The following TMEM114 variants were observed in gnomAD, a reference collection of about 807,000 sequenced individuals.
TMEM114 encodes transmembrane protein 114, also known as claudin-26.
In TMEM114, 6 loss-of-function variants were observed where a neutral mutation model predicts 6.2. The observed-to-expected ratio is 0.97, with a 90% CI of 0.53 to 1.91. The LOEUF is 1.91. TMEM114 is among the 40% of genes most tolerant of loss of function. The probability of loss-of-function intolerance (pLI) is 0.01; values close to 1 mark genes in which losing one functional copy is unlikely to be tolerated. For missense variants in TMEM114, 218 were observed against 158.3 expected (o/e 1.38, Z -2.02); for synonymous variants, 104 against 73.0 (o/e 1.42, Z -2.16).
At chr16:8,532,561 A>G in the TMEM114 span, among the ~76,000 whole-genome samples, 2 of 152,206 alleles carry the variant, frequency 1.3e-5, no homozygotes, top group Non-Finnish European at 2.9e-5. Flanking sequence ...ATTAAAGAGA[A>G]CGACGTGTCT....
At chr16:8,540,933 C>T (rs955697192) in intron 2 of TMEM114, among the ~76,000 whole-genome samples, 2 of 152,150 alleles carry the variant, frequency 1.3e-5, no homozygotes, top group African/African-American at 4.8e-5. Context: ...GGTTAAAAGA[C>T]TAAGCAGCAG....
intron 2 of TMEM114, among the ~76,000 whole-genome samples, chr16:8,564,102 T>C (rs1168290456): frequency 6.6e-6 from 1 of 150,980 alleles, no homozygotes; most frequent in Non-Finnish European, 1.5e-5. Context: ...AGTGAATGAG[T>C]GAGGAAATAA....
intron 2 of TMEM114, among the ~76,000 whole-genome samples, chr16:8,563,938 CGAGT>C (rs1317455298): frequency 1.8e-4 from 17 of 92,012 alleles, no homozygotes; most frequent in African/African-American, 7.2e-4. Flanking sequence ...AGTGAGTGAA[CGAGT>C]AAGTAAATGA....
the TMEM114 span, among the ~76,000 whole-genome samples, chr16:8,527,619 C>T: frequency 1.3e-5 from 2 of 152,124 alleles, no homozygotes; most frequent in South Asian, 4.1e-4. Flanking sequence ...GTACTAAGCC[C>T]CTTTCTTGTT....
chr16:8,583,367 C>T (rs557428258), intron 2 of TMEM114, among the ~76,000 whole-genome samples: 3 of 152,292 alleles, frequency 2.0e-5, no homozygotes, highest in African/African-American at 7.2e-5. Context: ...CTACTGTGCA[C>T]AGAGTCCAGG....
downstream of TMEM114, among the ~76,000 whole-genome samples, chr16:8,567,625 C>A (rs890184213): frequency 1.3e-5 from 2 of 152,178 alleles, no homozygotes; most frequent in East Asian, 3.9e-4. Flanking sequence ...ACTCCCCACA[C>A]GCACTAAGAA....
At position 8,589,791 on chromosome 16, in the gene TMEM114, C is replaced by G; in HGVS notation, c.48G>C (p.Gly16=). 1 of 398,502 alleles carries G rather than the reference C, an allele frequency of 2.5e-6. No individual in the cohort carries two copies. 24.7% of individuals were successfully genotyped at this position (398,502 alleles called of 1,614,324 possible). The part of the protein sequence containing the change: ...GGLAGAAALT[G]ALSFVLLAAA... ...CCGCCAGGAGCACAAAGCTGAGCGC[C>G]CCGGTCAGCGCAGCCGCGCCGGCCA... Residue 16 remains glycine, a synonymous_variant, in exon 1 of 4, where the codon GGG becomes GGC. Coordinates refer to ENST00000620492, the MANE Select transcript of TMEM114 (RefSeq NM_001146336.2).
intron 2 of TMEM114, among the ~76,000 whole-genome samples, chr16:8,575,911 C>G (rs1431198356): frequency 6.6e-6 from 1 of 152,178 alleles, no homozygotes; most frequent in Non-Finnish European, 1.5e-5. Context: ...GCCGGGAGAC[C>G]TGATTCCCAT....
chr16:8,583,991 G>C (rs1382417754), intron 2 of TMEM114, among the ~76,000 whole-genome samples: 5 of 152,210 alleles, frequency 3.3e-5, no homozygotes, highest in African/African-American at 1.2e-4. Flanking sequence ...TGGCTGGAGG[G>C]ATTGGCTCAG....
downstream of TMEM114, among the ~76,000 whole-genome samples, chr16:8,536,395 A>T (rs1368015007): frequency 6.6e-6 from 1 of 152,092 alleles, no homozygotes; most frequent in Admixed American, 6.6e-5. Flanking sequence ...CTTCTTCGGG[A>T]ACTTTGAGGG....
intron 2 of TMEM114, among the ~76,000 whole-genome samples, chr16:8,545,874 G>A (rs1900650884): frequency 6.6e-6 from 1 of 152,142 alleles, no homozygotes; most frequent in Admixed American, 6.5e-5. Context: ...CAGCACTTTG[G>A]GAGGTTGAGG....
downstream of TMEM114, among the ~76,000 whole-genome samples, chr16:8,564,673 ATGAGTGAATGAGTGAGTGAATGAGTGAG>A (rs1901461263): frequency 7.2e-5 from 6 of 83,550 alleles, no homozygotes; most frequent in African/African-American, 2.3e-4. Context: ...GAGGGAGGGA[ATGAGTGAATGAGTGAGTGAATGAGTGAG>A]TGAGTGAATG....
downstream of TMEM114, among the ~76,000 whole-genome samples, chr16:8,568,346 G>A (rs781543483): frequency 1.8e-4 from 27 of 151,754 alleles, no homozygotes; most frequent in African/African-American, 5.1e-4. Context: ...ACCGACTGGC[G>A]TGGAGAATAG....
At chr16:8,549,605 C>T (rs1319430176) in intron 2 of TMEM114, among the ~76,000 whole-genome samples, 2 of 151,694 alleles carry the variant, frequency 1.3e-5, no homozygotes, top group Non-Finnish European at 2.9e-5. Context: ...ACCTTTTATT[C>T]CAAGATATCA....
chr16:8,561,410 G>A (rs923589486), intron 2 of TMEM114, among the ~76,000 whole-genome samples: 32 of 152,140 alleles, frequency 2.1e-4, no homozygotes, highest in African/African-American at 5.3e-4. Flanking sequence ...AGCATACCCC[G>A]CATTCCACCA....
chr16:8,534,048 C>G (rs1208772207), downstream of TMEM114, among the ~76,000 whole-genome samples: 1 of 152,200 alleles, frequency 6.6e-6, no homozygotes, highest in African/African-American at 2.4e-5. Context: ...TCACTTCTCC[C>G]TCCTTCTGTC....
intron 2 of TMEM114, among the ~76,000 whole-genome samples, chr16:8,542,926 C>A (rs150863568): frequency 4.1e-4 from 62 of 152,200 alleles, no homozygotes; most frequent in African/African-American, 1.4e-3. Flanking sequence ...TACAAACTGC[C>A]GCTTATCATC....
chr16:8,538,489 G>GT (rs940223142), intron 2 of TMEM114, among the ~76,000 whole-genome samples: 3 of 149,126 alleles, frequency 2.0e-5, no homozygotes, highest in South Asian at 2.1e-4. Flanking sequence ...GTGTGCTGTG[G>GT]TTTTTTTGTT....
chr16:8,554,252 T>A (rs1163561162), intron 2 of TMEM114, among the ~76,000 whole-genome samples: 1 of 123,606 alleles, frequency 8.1e-6, no homozygotes, highest in Non-Finnish European at 1.7e-5. Context: ...GGTCATGTGA[T>A]TTCAGGGAAA....
Sources: allele counts gnomAD v4.1 joint callset (sites outside exome capture counted in the v4.1 genomes callset), GRCh38; gene constraint gnomAD v4.1.1; transcripts MANE v1.5; gene names NCBI Gene and HGNC (gene_info 2026-07-23, HGNC 2026-07-21).